Variants in PSD3 observed in about 807,000 individuals in gnomAD.
PSD3 encodes the protein PH and SEC7 domain-containing protein 3.
Under a neutral mutation model 105.5 loss-of-function variants are expected in PSD3, and 49 were observed. The ratio of observed to expected loss-of-function variants is 0.46; its 90% CI spans 0.37 to 0.59. The LOEUF is 0.59. PSD3 is among the 20% of genes least tolerant of loss of function. PSD3 has a pLI of 0.00. For missense variants in PSD3, 1,561 were observed against 1,263.8 expected (o/e 1.24, Z -3.57); for synonymous variants, 557 against 457.8 (o/e 1.22, Z -2.77).
In PSD3 at chr8:18,535,714, G is replaced by C; in HGVS notation, c.*29C>G. 1 of 1,542,752 alleles carries C rather than the reference G, an allele frequency of 6.5e-7. No homozygotes were observed. The highest frequency in any genetic ancestry group is 9.0e-7 in the Non-Finnish European group (1 of 1,115,624). ...CTTGAAAAACCCTATTTTGCTCCAT[G>C]ACCAGCACTTCCTGGCCGCAGATGG... On this transcript the variant is annotated 3_prime_UTR_variant, in exon 16 of 16. Transcript: ENST00000327040.
chr8:18,698,916 T>C (rs1801415174), intron 9 of PSD3, among the ~76,000 whole-genome samples: 3 of 152,220 alleles, frequency 2.0e-5, no homozygotes, highest in Admixed American at 6.5e-5. Flanking sequence ...AACACTATCA[T>C]TTAAAATTAA....
intron 2 of PSD3, among the ~76,000 whole-genome samples, chr8:18,882,618 A>G (rs919383085): frequency 8.5e-5 from 13 of 152,166 alleles, no homozygotes; most frequent in African/African-American, 3.1e-4. Flanking sequence ...AGCTGATACC[A>G]TTAAGTATAA....
chr8:18,746,283 A>C (rs1188831023), intron 9 of PSD3, among the ~76,000 whole-genome samples: 1 of 152,128 alleles, frequency 6.6e-6, no homozygotes, highest in Non-Finnish European at 1.5e-5. Flanking sequence ...TGAGTCCATA[A>C]AGGGCCCCAG....
At chr8:18,851,745 A>G (rs1815589512) in intron 4 of PSD3, among the ~76,000 whole-genome samples, 1 of 152,320 alleles carries the variant, frequency 6.6e-6, no homozygotes, top group South Asian at 2.1e-4. Context: ...TCCCTACCAC[A>G]TCTGTACTTC....
intron 9 of PSD3, among the ~76,000 whole-genome samples, chr8:18,657,789 G>C (rs1809012071): frequency 2.0e-5 from 3 of 152,278 alleles, no homozygotes; most frequent in Non-Finnish European, 2.9e-5. Context: ...AATGAAAAGA[G>C]ACAGATCATT....
At chr8:18,570,847 T>C (rs7819816) in intron 14 of PSD3, among the ~76,000 whole-genome samples, 74 of 36,726 alleles carry the variant, frequency 2.0e-3, no homozygotes, top group Admixed American at 3.3e-3. Flanking sequence ...TTAAAACTAT[T>C]ATTATTATTA....
intron 1 of PSD3, among the ~76,000 whole-genome samples, chr8:19,080,051 G>C (rs1829593507): frequency 6.6e-6 from 1 of 151,932 alleles, no homozygotes; most frequent in Non-Finnish European, 1.5e-5. Context: ...CACCATGCCT[G>C]GCTAATTTTT....
chr8:18,882,121 C>T (rs1298170494), intron 2 of PSD3, among the ~76,000 whole-genome samples: 1 of 152,052 alleles, frequency 6.6e-6, no homozygotes, highest in African/African-American at 2.4e-5. Context: ...GGTGAGAGGA[C>T]TGCTTGAGCC....
chr8:18,708,294 C>T (rs892704339), intron 9 of PSD3, among the ~76,000 whole-genome samples: 5 of 152,062 alleles, frequency 3.3e-5, no homozygotes, highest in African/African-American at 7.2e-5. Context: ...AATTCCTCTA[C>T]ATTGTATGGA....
At chr8:18,576,501 A>G (rs1802471006) in intron 12 of PSD3, among the ~76,000 whole-genome samples, 1 of 152,144 alleles carries the variant, frequency 6.6e-6, no homozygotes, top group Non-Finnish European at 1.5e-5. Flanking sequence ...AATTCATAAA[A>G]CTATAATCTA....
chr8:18,659,931 T>C (rs1342988906), intron 9 of PSD3, among the ~76,000 whole-genome samples: 2 of 152,174 alleles, frequency 1.3e-5, no homozygotes, highest in East Asian at 1.9e-4. Context: ...TATGGACTGG[T>C]AGTTAGAGCT....
intron 11 of PSD3, among the ~76,000 whole-genome samples, chr8:18,625,950 C>T (rs1322223256): frequency 6.6e-6 from 1 of 152,024 alleles, no homozygotes; most frequent in African/African-American, 2.4e-5. Context: ...TTGATTTCCA[C>T]AAGTATGTTA....
intron 4 of PSD3, among the ~76,000 whole-genome samples, chr8:18,842,678 A>G (rs1288897050): frequency 6.6e-6 from 1 of 152,010 alleles, no homozygotes; most frequent in Non-Finnish European, 1.5e-5. Context: ...GTTTGCAGTG[A>G]GCCGAGATAG....
At chr8:19,082,899 C>T (rs1439202280) in intron 1 of PSD3, among the ~76,000 whole-genome samples, 2 of 152,216 alleles carry the variant, frequency 1.3e-5, no homozygotes, top group East Asian at 3.9e-4. Flanking sequence ...TCTCTTCCTC[C>T]AAGAGCGCTA....
chr8:19,068,238 TA>T (rs35079791), intron 1 of PSD3, among the ~76,000 whole-genome samples: 1 of 150,050 alleles, frequency 6.7e-6, no homozygotes, highest in East Asian at 1.9e-4. Context: ...CTGAGGATTT[TA>T]AAAAAAAATA....
At chr8:19,073,321 C>A (rs879342972) in intron 1 of PSD3, among the ~76,000 whole-genome samples, 1 of 151,960 alleles carries the variant, frequency 6.6e-6, no homozygotes, top group South Asian at 2.1e-4. Flanking sequence ...GAGGCCAAGG[C>A]GGGCGGATCA....
At chr8:18,629,564 T>C (rs1468774210) in intron 11 of PSD3, among the ~76,000 whole-genome samples, 1 of 151,912 alleles carries the variant, frequency 6.6e-6, no homozygotes, top group Non-Finnish European at 1.5e-5. Flanking sequence ...ACAATATACA[T>C]GAATCTGCAA....
At chr8:18,874,157 T>G (rs1332234234) in intron 2 of PSD3, among the ~76,000 whole-genome samples, 1 of 151,936 alleles carries the variant, frequency 6.6e-6, no homozygotes, top group Non-Finnish European at 1.5e-5. Flanking sequence ...TTTATTTTAT[T>G]TTATTTTATT....
intron 10 of PSD3, among the ~76,000 whole-genome samples, chr8:18,640,166 C>T (rs1807538005): frequency 6.6e-6 from 1 of 152,098 alleles, no homozygotes; most frequent in African/African-American, 2.4e-5. Flanking sequence ...TAGACCAATA[C>T]AAAACCACAA....
Sources: gnomAD v4.1 joint callset for allele counts (sites outside exome capture counted in the v4.1 genomes callset) on GRCh38, gnomAD v4.1.1 for gene constraint, MANE v1.5 for transcripts, NCBI Gene and HGNC (gene_info 2026-07-23, HGNC 2026-07-21) for gene names.